CMC1: variants seen among roughly 807,000 people sequenced by gnomAD.
CMC1 encodes the protein COX assembly mitochondrial protein homolog.
Under a neutral mutation model 14.1 loss-of-function variants are expected in CMC1, and 14 were observed. The ratio of observed to expected loss-of-function variants is 0.99; its 90% CI spans 0.66 to 1.55. The LOEUF (loss-of-function observed/expected upper bound fraction) is 1.55. CMC1 is among the 40% of genes most tolerant of loss of function. The probability of loss-of-function intolerance (pLI) is 0.00; values close to 1 mark genes in which losing one functional copy is unlikely to be tolerated. For missense variants in CMC1, 127 were observed against 123.8 expected, an observed-to-expected ratio of 1.03 and a Z score of -0.12; for synonymous variants, 50 against 38.4, an observed-to-expected ratio of 1.30 and a Z score of -1.12.
chr3:28,280,697 A>G (rs1035028821), intron 2 of CMC1, among the ~76,000 whole-genome samples: 7 of 152,256 alleles, frequency 4.6e-5, no homozygotes, highest in East Asian at 1.9e-4. Flanking sequence ...AGCATCATAT[A>G]TAATATGGAA....
intron 2 of CMC1, among the ~76,000 whole-genome samples, chr3:28,271,287 A>G (rs534771660): frequency 1.3e-5 from 2 of 152,114 alleles, no homozygotes; most frequent in East Asian, 1.9e-4. Flanking sequence ...TTTGATAGGG[A>G]TGGTGTTTCA....
rs1214708074 is a variant in CMC1, at chr3:28,300,704, T to TTTCC, written c.110-15629_110-15628insTTCC. Among the ~76,000 whole-genome samples the TTTCC allele has an allele frequency of 1.9e-3, 115 of 62,050 alleles. 2 individuals are homozygous for TTTCC. Among genetic ancestry groups the TTTCC allele is most frequent in the African/African-American group, 7.9e-3 (110 of 13,990 alleles). 40.7% of individuals were successfully genotyped at this position (62,050 alleles called of 152,430 possible). Reference sequence around the variant, plus strand: ...CTCCCTTTCCCTCCCTTTCCCTCCCTCTCACCCTCCCTCCTTCCTCCCTCT... The same window carrying TTTCC: ...CTCCCTTTCCCTCCCTTTCCCTCCCTTTCCCTCACCCTCCCTCCTTCCTCCCTCT... On this transcript the variant is annotated intron_variant, in intron 2 of 3. Transcript: ENST00000466830.
intron 2 of CMC1, among the ~76,000 whole-genome samples, chr3:28,285,847 A>G (rs1320882071): frequency 6.6e-6 from 1 of 151,542 alleles, no homozygotes; most frequent in Non-Finnish European, 1.5e-5. Context: ...GCTCACTGCA[A>G]GCTCTGCCTC....
At chr3:28,251,285 A>C (rs1005684031) in intron 1 of CMC1, among the ~76,000 whole-genome samples, 10 of 152,150 alleles carry the variant, frequency 6.6e-5, no homozygotes, top group Admixed American at 3.3e-4. Flanking sequence ...CCTGACTTTT[A>C]CAACAATCCA....
intron 2 of CMC1, among the ~76,000 whole-genome samples, chr3:28,308,819 C>G (rs1702468167): frequency 1.3e-5 from 2 of 152,002 alleles, no homozygotes; most frequent in South Asian, 4.1e-4. Flanking sequence ...CCCATCTCTA[C>G]TAAAATACAA....
At position 28,321,535 on chromosome 3, in the gene CMC1, A is replaced by ACAT. The variant is rs1265649550; in HGVS notation, c.*1908_*1910dup. 1 of 151,348 alleles carries ACAT rather than the reference A, an allele frequency of 6.6e-6. No homozygotes were observed. The allele number at this position is 151,348 out of a possible 1,614,324, so 9.4% of individuals were successfully genotyped here. The stretch of plus-strand genomic sequence containing the variant: ...ATACTGAAGATTTTTTTCACCTGGT[A>ACAT]CATCTGTCTCAGTTGTGTCTTGCTT... On this transcript the variant is annotated 3_prime_UTR_variant, in exon 4 of 4. Coordinates refer to ENST00000466830, the MANE Select transcript of CMC1 (RefSeq NM_182523.2).
At position 28,309,667 on chromosome 3, in the gene CMC1, T is replaced by G. The variant is rs190655231; in HGVS notation, c.110-6666T>G. Among the ~76,000 whole-genome samples the G allele has an allele frequency of 1.3e-4, 20 of 152,228 alleles. No homozygotes were observed. In the East Asian group the frequency reaches 3.9e-3, roughly 29 times the overall value. The stretch of plus-strand genomic sequence containing the variant: ...TTCCAGTTCTGTTTCCTCTGCCTAC[T>G]CTAAGGTTCTGTGCAGAAGAAAACA... On this transcript the variant is annotated intron_variant, in intron 2 of 3. Transcript: ENST00000466830.
intron 2 of CMC1, among the ~76,000 whole-genome samples, chr3:28,267,138 A>T (rs917862721): frequency 6.6e-6 from 1 of 152,198 alleles, no homozygotes; most frequent in Admixed American, 6.5e-5. Context: ...GTTTGACTTC[A>T]CTAATTAAAT....
Position 28,284,470 on chromosome 3 carries a change from CAAAAT to C in CMC1, c.109+21093_109+21097del, listed in dbSNP as rs547600761. 2.5e-3 allele frequency among the ~76,000 whole-genome samples: 386 copies of C among 152,196 alleles called. 2 individuals are homozygous for C. Among genetic ancestry groups the C allele is most frequent in the African/African-American group, 8.8e-3 (364 of 41,546 alleles). On this transcript the variant is annotated intron_variant, in intron 2 of 3. Transcript: ENST00000466830. ...GAATTATCTAGGAATTAAAACAAAA[CAAAAT>C]AATAGTGCACATGTTTCTCTCCACA...
At chr3:28,247,579 C>T (rs558276829) in intron 1 of CMC1, among the ~76,000 whole-genome samples, 52 of 152,312 alleles carry the variant, frequency 3.4e-4, no homozygotes, top group Non-Finnish European at 6.3e-4. Context: ...GAGAAGGTTG[C>T]AGATGTGAAT....
intron 2 of CMC1, among the ~76,000 whole-genome samples, chr3:28,290,395 C>T (rs1250679150): frequency 2.6e-5 from 4 of 152,000 alleles, no homozygotes; most frequent in Non-Finnish European, 4.4e-5. Context: ...ATTGTCAGGT[C>T]GTATTTTCTG....
Position 28,248,908 on chromosome 3 carries a change from G to T in CMC1, c.19+7096G>T, listed in dbSNP as rs1270750397. Among the ~76,000 whole-genome samples, 245 of 152,202 alleles carry T rather than the reference G, an allele frequency of 1.6e-3. 1 individual carries two copies. Among genetic ancestry groups the T allele is most frequent in the South Asian group, 6.6e-3 (32 of 4,816 alleles). ...GGGTTTGTGCCATTCTTCTGCCTCA[G>T]TCTCCTAAGTAGCTGGGACTACAGG... On this transcript the variant is annotated intron_variant, in intron 1 of 3. Coordinates refer to ENST00000466830, the MANE Select transcript of CMC1 (RefSeq NM_182523.2).
rs186976135 is a variant in CMC1, at chr3:28,296,789, T to C, written c.110-19544T>C. Among the ~76,000 whole-genome samples the C allele has an allele frequency of 3.5e-3, 539 of 152,208 alleles. 1 individual carries two copies. Among genetic ancestry groups the C allele is most frequent in the Non-Finnish European group, 5.0e-3 (337 of 67,930 alleles). On this transcript the variant is annotated intron_variant, in intron 2 of 3. Transcript: ENST00000466830. ...CAATGTAAACTTATTAGAAATACTT[T>C]AAATAATTATTTCATTGTATTCACC... is the stretch of plus-strand genomic sequence containing the variant.
chr3:28,302,443 T>G (rs1023218317), intron 2 of CMC1, among the ~76,000 whole-genome samples: 2 of 152,128 alleles, frequency 1.3e-5, no homozygotes, highest in Non-Finnish European at 2.9e-5. Flanking sequence ...AAAAGTGTGT[T>G]TGGGGAGACT....
At position 28,320,195 on chromosome 3, in the gene CMC1, G is replaced by A. The variant is rs1703142067; in HGVS notation, c.*566G>A. On this transcript the variant is annotated 3_prime_UTR_variant, in exon 4 of 4. Coordinates refer to ENST00000466830, the MANE Select transcript of CMC1 (RefSeq NM_182523.2). ...CCTGGTACATGCTCTTATATTGGTA[G>A]TTACTGTTAGTAGTAGTAGAGGCTT... The A allele has an allele frequency of 2.0e-5, 3 of 150,966 alleles. No individual in the cohort carries two copies. Among genetic ancestry groups the A allele is most frequent in the Admixed American group, 6.6e-5 (1 of 15,120 alleles). 9.4% of individuals were successfully genotyped at this position (150,966 alleles called of 1,614,324 possible).
intron 2 of CMC1, among the ~76,000 whole-genome samples, chr3:28,301,125 A>C (rs892099544): frequency 3.3e-5 from 5 of 152,154 alleles, no homozygotes; most frequent in African/African-American, 1.2e-4. Context: ...AGCCACATTC[A>C]TATAAAAATA....
At chr3:28,296,277 A>G (rs975153897) in intron 2 of CMC1, among the ~76,000 whole-genome samples, 11 of 152,114 alleles carry the variant, frequency 7.2e-5, no homozygotes, top group Non-Finnish European at 1.6e-4. Context: ...TACTAAAACC[A>G]GATGACTTAG....
At chr3:28,303,879 A>G (rs1441041341) in intron 2 of CMC1, among the ~76,000 whole-genome samples, 2 of 152,130 alleles carry the variant, frequency 1.3e-5, no homozygotes, top group Non-Finnish European at 2.9e-5. Flanking sequence ...ATTTTCTTAA[A>G]TATTTTATTT....
intron 2 of CMC1, among the ~76,000 whole-genome samples, chr3:28,299,136 G>A (rs1309239083): frequency 6.6e-6 from 1 of 151,984 alleles, no homozygotes; most frequent in East Asian, 1.9e-4. Flanking sequence ...CCATCTCTGT[G>A]TTCAAATTAA....
Sources: allele counts gnomAD v4.1 joint callset (sites outside exome capture counted in the v4.1 genomes callset), GRCh38; gene constraint gnomAD v4.1.1; transcripts MANE v1.5; gene names NCBI Gene and HGNC (gene_info 2026-07-23, HGNC 2026-07-21).